Variants in CCHCR1 observed in about 807,000 individuals in gnomAD.
CCHCR1 encodes HCR (a-helix coiled-coil rod homologue).
Under a neutral mutation model 114.6 loss-of-function variants are expected in CCHCR1, and 91 were observed. The ratio of observed to expected loss-of-function variants is 0.79; its 90% CI spans 0.67 to 0.94. The LOEUF (loss-of-function observed/expected upper bound fraction) is 0.94, where lower values mean the gene tolerates loss of function less well. Ranked by LOEUF, CCHCR1 falls within the 40% of genes least tolerant of loss-of-function variation. The pLI is 0.00. For missense variants in CCHCR1, 899 were observed against 1,079.9 expected, an observed-to-expected ratio of 0.83 and a Z score of 2.35; for synonymous variants, 379 against 428.5, an observed-to-expected ratio of 0.88 and a Z score of 1.43.
At position 31,144,975 on chromosome 6, in the gene CCHCR1, C is replaced by G. The variant is rs767773705; in HGVS notation, c.1975G>C (p.Glu659Gln). 1 of 1,609,008 alleles carries G rather than the reference C, an allele frequency of 6.2e-7. No homozygotes were observed. The highest frequency in any genetic ancestry group is 1.1e-5 in the South Asian group (1 of 91,068). The stretch of plus-strand genomic sequence containing the variant: ...TCCTGCTGGCCCTGGCGTGCTACCT[C>G]CAGCTGCAGCCCCAAGCTAGCCAGG... ...ESLASLGLQLEVARQGQQEST... is the reference protein window; with the variant it reads ...ESLASLGLQLQVARQGQQEST... The change falls in exon 14 of 18, where the codon GAG becomes CAG. Residue 659 changes from glutamate to glutamine, a missense_variant. Glu to Gln is a conservative substitution (Grantham distance 29). Transcript: ENST00000396268. This position sits in a 1 kb window ranked among gnomAD's most constrained non-coding sequence, Gnocchi z 4.6.
At position 31,151,171 on chromosome 6, in the gene CCHCR1, C is replaced by A. The variant is rs148603238; in HGVS notation, c.802-49G>T. 1.3e-6 allele frequency: 2 copies of A among 1,566,794 alleles called. No individual in the cohort carries two copies. The highest frequency in any genetic ancestry group is 1.8e-5 in the Admixed American group (1 of 54,286). On this transcript the variant is annotated intron_variant, in intron 4 of 17. Transcript: ENST00000396268. The surrounding 1 kb of genome is among the most constrained non-coding windows in gnomAD (Gnocchi z 4.1). ...GCAGAGGCTCGACCCCACATGGAGG[C>A]CTTCCTTGTTCCCTTCACTCCCACT... is the stretch of plus-strand genomic sequence containing the variant.
chr6:31,150,481 G>T lies in CCHCR1; in HGVS notation c.1186C>A (p.Leu396Met), dbSNP rs149536502. 9.9e-5 allele frequency: 160 copies of T among 1,612,420 alleles called. No homozygotes were observed. The highest frequency in any genetic ancestry group is 1.3e-4 in the Non-Finnish European group (149 of 1,179,866). ...TTCCTGGTCAGCTCCTCCTCCTGCA[G>T]GGCGAGGATGTGTGTGAGGCTCTGC... is the stretch of plus-strand genomic sequence containing the variant. ...RVQSLTHILALQEEELTRKVQ... is the reference protein window; with the variant it reads ...RVQSLTHILAMQEEELTRKVQ... The change falls in exon 7 of 18, where the codon CTG (leucine) becomes ATG (methionine). Residue 396 changes from leucine (L) to methionine (M), a missense_variant. Physicochemically the swap from Leu to Met is conservative, Grantham distance 15. Coordinates refer to ENST00000396268, the MANE Select transcript of CCHCR1 (RefSeq NM_001105564.2). The surrounding 1 kb of genome is among the most constrained non-coding windows in gnomAD (Gnocchi z 5.3).
chr6:31,152,479 C>T (rs1322309598), intron 4 of CCHCR1, among the ~76,000 whole-genome samples: 1 of 140,914 alleles, frequency 7.1e-6, no homozygotes, highest in Non-Finnish European at 1.6e-5. Context: ...GCTGAGATTA[C>T]AGGCATGAGC....
Position 31,145,693 on chromosome 6 carries a change from C to T in CCHCR1, c.1693+3G>A. The T allele has an allele frequency of 3.7e-6, 6 of 1,609,530 alleles. No individual in the cohort carries two copies. The highest frequency in any genetic ancestry group is 5.1e-6 in the Non-Finnish European group (6 of 1,175,858). On this transcript the variant is annotated splice_donor_region_variant and intron_variant, in intron 11 of 17. Coordinates refer to ENST00000396268, the MANE Select transcript of CCHCR1 (RefSeq NM_001105564.2). ...GGACGTGGCTCGCAGTTGTCCTACG[C>T]ACCCCGAATGGTGTGGACCTTGCGG...
intron 8 of CCHCR1, chr6:31,149,068 C>T (rs184780941): frequency 0.021 from 5,146 of 246,726 alleles, 106 homozygotes; most frequent in Non-Finnish European, 0.026. Flanking sequence ...AGGAGAATCA[C>T]TTGAACCTGG....
rs774974628 is a variant in CCHCR1 at position 31,157,506 on chromosome 6, G to A, written c.95C>T (p.Pro32Leu). 6.2e-7 allele frequency: 1 copy of A among 1,612,866 alleles called. No individual in the cohort carries two copies. The highest frequency in any genetic ancestry group is 1.3e-5 in the African/African-American group (1 of 74,902). The change falls in exon 1 of 18, where the codon CCC (proline) becomes CTC (leucine). Residue 32 changes from proline to leucine, a missense_variant. By Grantham distance (98) the Pro-to-Leu change is moderately conservative (BLOSUM62 -3). Transcript: ENST00000396268. ...VMACWCLDGL[P>L]SGLAEPWREL... ...TCTCCATGGCTCAGCAAGGCCTGAG[G>A]GAAGCCCATCCAGACACCAGCAGGC... is the stretch of plus-strand genomic sequence containing the variant.
chr6:31,143,504 C>T lies in CCHCR1; in HGVS notation c.2168-91G>A. On this transcript the variant is annotated intron_variant, in intron 15 of 17. Coordinates refer to ENST00000396268, the MANE Select transcript of CCHCR1 (RefSeq NM_001105564.2). The surrounding 1 kb of genome is among the most constrained non-coding windows in gnomAD (Gnocchi z 5.3). ...AAGACAGGAACAAACGCTGGGTCACCAACTCTGTGGCTTGGGGAGGCTGTT... is the reference window on the plus strand; with the variant it reads ...AAGACAGGAACAAACGCTGGGTCACTAACTCTGTGGCTTGGGGAGGCTGTT... 7.1e-6 allele frequency: 10 copies of T among 1,402,356 alleles called. No homozygotes were observed. Among genetic ancestry groups the T allele is most frequent in the South Asian group, 1.3e-5 (1 of 78,880 alleles). The allele number at this position is 1,402,356 out of a possible 1,614,324, so 86.9% of individuals were successfully genotyped here. A position where few individuals can be genotyped will look rare whatever the true frequency, so the allele number is the denominator to read the frequency against.
chr6:31,150,688 C>G lies in CCHCR1; in HGVS notation c.1101+37G>C, dbSNP rs1271136710. 1.2e-5 allele frequency: 20 copies of G among 1,606,414 alleles called. No individual in the cohort carries two copies. Among genetic ancestry groups the G allele is most frequent in the Non-Finnish European group, 1.7e-5 (20 of 1,176,302 alleles). ...GCCACGCTTGCCTCCCAACCTGATC[C>G]CTAAGTCTGCACACAGATACATTCC... is the stretch of plus-strand genomic sequence containing the variant. On this transcript the variant is annotated intron_variant, in intron 6 of 17. Transcript: ENST00000396268. The surrounding 1 kb of genome is among the most constrained non-coding windows in gnomAD (Gnocchi z 5.3).
Position 31,143,545 on chromosome 6 carries a change from G to T in CCHCR1, c.2168-132C>A. The T allele has an allele frequency of 1.1e-6, 1 of 916,826 alleles. No individual in the cohort carries two copies. The highest frequency in any genetic ancestry group is 1.6e-6 in the Non-Finnish European group (1 of 616,700). 56.8% of individuals were successfully genotyped at this position (916,826 alleles called of 1,614,324 possible). A position where few individuals can be genotyped will look rare whatever the true frequency, so the allele number is the denominator to read the frequency against. On this transcript the variant is annotated intron_variant, in intron 15 of 17. Transcript: ENST00000396268. This position sits in a 1 kb window ranked among gnomAD's most constrained non-coding sequence, Gnocchi z 5.3. ...GGAGGCTGTTCTGCTCTGTGGATCT[G>T]TCTCTTCTGTACAGTTGGAGGGGTG...
At position 31,157,694 on chromosome 6, in the gene CCHCR1, C is replaced by G; in HGVS notation, c.-94G>C. On this transcript the variant is annotated 5_prime_UTR_variant, in exon 1 of 18. Transcript: ENST00000396268. ...GTCCTGACATCTTATTCAAATCTTT[C>G]CTGCGGCTGTTCTCTCAGCTTCTCT... The G allele has an allele frequency of 1.0e-6, 1 of 994,680 alleles. No homozygotes were observed. Among genetic ancestry groups the G allele is most frequent in the Non-Finnish European group, 1.5e-6 (1 of 674,932 alleles). The allele number at this position is 994,680 out of a possible 1,614,324, so 61.6% of individuals were successfully genotyped here.
rs781778327 is a variant in CCHCR1, at chr6:31,156,952, A to T, written c.284-8T>A. 5 of 1,612,802 alleles carry T rather than the reference A, an allele frequency of 3.1e-6. No individual in the cohort carries two copies. The highest frequency in any genetic ancestry group is 4.2e-6 in the Non-Finnish European group (5 of 1,179,914). ...GAATCAGCCCAGTGGAACCTGAAGA[A>T]TTACAAAAACAAAGATGGTCAGTTT... On this transcript the variant is annotated splice_region_variant and splice_polypyrimidine_tract_variant and intron_variant, in intron 2 of 17. Transcript: ENST00000396268.
At position 31,154,014 on chromosome 6, in the gene CCHCR1, A is replaced by G. The variant is rs1173949972; in HGVS notation, c.801+482T>C. Among the ~76,000 whole-genome samples, 3 of 152,176 alleles carry G rather than the reference A, an allele frequency of 2.0e-5. No individual in the cohort carries two copies. The highest frequency in any genetic ancestry group is 7.2e-5 in the African/African-American group (3 of 41,426). On this transcript the variant is annotated intron_variant, in intron 4 of 17. Coordinates refer to ENST00000396268, the MANE Select transcript of CCHCR1 (RefSeq NM_001105564.2). This position sits in a 1 kb window ranked among gnomAD's most constrained non-coding sequence, Gnocchi z 4.1. ...TTAATTATGATTAAATTAAATGTGG[A>G]TGTGTATATCCCCCACGAGGCTGTC... is the stretch of plus-strand genomic sequence containing the variant.
chr6:31,148,598 TCTAGTAGGCTGACAC>T lies in CCHCR1; in HGVS notation c.1473+5_1473+19del, dbSNP rs1362337726. On this transcript the variant is annotated splice_donor_5th_base_variant and intron_variant, in intron 9 of 17. Transcript: ENST00000396268. ...GGGGCTCCCTTGCCCTCCCCGAGTCTCTAGTAGGCTGACACCAACCTTGGCACCCATACGCTCCAC... is the reference window on the plus strand; with the variant it reads ...GGGGCTCCCTTGCCCTCCCCGAGTCTCAACCTTGGCACCCATACGCTCCAC... 4.4e-6 allele frequency: 7 copies of T among 1,603,836 alleles called. No homozygotes were observed. The highest frequency in any genetic ancestry group is 5.1e-6 in the Non-Finnish European group (6 of 1,171,774).
At chr6:31,149,878 A>C (rs575869127) in intron 8 of CCHCR1, among the ~76,000 whole-genome samples, 188 bp downstream of exon 8, 7 of 152,304 alleles carry the variant, frequency 4.6e-5, no homozygotes, top group African/African-American at 1.7e-4. Context: ...TAATTACCCA[A>C]CATTATCTGT....
At chr6:31,157,289 G>T in intron 1 of CCHCR1, 96 bp downstream of exon 1, 1 of 720,754 alleles carries the variant, frequency 1.4e-6, no homozygotes, top group Non-Finnish European at 2.1e-6. Flanking sequence ...TGGAACCCAA[G>T]CAACTATCAA....
At position 31,142,730 on chromosome 6, in the gene CCHCR1, C is replaced by T. The variant is rs776805846; in HGVS notation, c.2492-14G>A. 1.2e-5 allele frequency: 19 copies of T among 1,601,324 alleles called. No individual in the cohort carries two copies. Among genetic ancestry groups the T allele is most frequent in the Non-Finnish European group, 1.4e-5 (17 of 1,173,432 alleles). ...CAGAGAGGGACCCTGGGAAGGAAGA[C>T]AGCAGATGAGCACCAGACAAGGGAA... On this transcript the variant is annotated splice_polypyrimidine_tract_variant and intron_variant, in intron 17 of 17. Coordinates refer to ENST00000396268, the MANE Select transcript of CCHCR1 (RefSeq NM_001105564.2).
At chr6:31,147,927 A>G (rs981838096) in intron 10 of CCHCR1, among the ~76,000 whole-genome samples, 27 of 151,614 alleles carry the variant, frequency 1.8e-4, no homozygotes, top group Admixed American at 1.4e-3. Flanking sequence ...GCAGTGAGCC[A>G]AGATTGCGCC....
Position 31,150,016 on chromosome 6 carries a change from A to G in CCHCR1, c.1362+50T>C. 6.3e-7 allele frequency: 1 copy of G among 1,595,562 alleles called. No homozygotes were observed. The highest frequency in any genetic ancestry group is 1.1e-5 in the South Asian group (1 of 90,478). On this transcript the variant is annotated intron_variant, in intron 8 of 17. Transcript: ENST00000396268. The surrounding 1 kb of genome is among the most constrained non-coding windows in gnomAD (Gnocchi z 5.3). ...GTTGAATGGATGCCACCTTCATGGA[A>G]GGAGCAAGGTGCTGGGAGGGAATAC...
At chr6:31,147,178 A>G (rs548178797) in intron 10 of CCHCR1, among the ~76,000 whole-genome samples, 1 of 152,098 alleles carries the variant, frequency 6.6e-6, no homozygotes, top group Non-Finnish European at 1.5e-5. Context: ...AGGCGGGCGG[A>G]TCACGAGGTC....
Sources: gnomAD v4.1 joint callset for allele counts (sites outside exome capture counted in the v4.1 genomes callset) on GRCh38, gnomAD v4.1.1 for gene constraint, Gnocchi (gnomAD v3.1) non-coding constraint, MANE v1.5 for transcripts, NCBI Gene and HGNC (gene_info 2026-07-23, HGNC 2026-07-21) for gene names.